SPATA33: variants seen among roughly 807,000 people sequenced by gnomAD.
SPATA33 encodes the protein spermatogenesis-associated protein 33.
In SPATA33, 10 loss-of-function variants were observed where a neutral mutation model predicts 8.9. The ratio of observed to expected loss-of-function variants is 1.12; its 90% CI spans 0.69 to 1.90. The LOEUF is 1.90. SPATA33 is among the 40% of genes most tolerant of loss of function. SPATA33 has a pLI of 0.00. For synonymous variants in SPATA33, 96 were observed against 72.8 expected (o/e 1.32, Z -1.63); for missense variants, 241 against 178.3 (o/e 1.35, Z -2.00).
chr16:89,661,120 C>T (rs1205668327), intron 2 of SPATA33: 3 of 985,374 alleles, frequency 3.0e-6, no homozygotes, highest in Non-Finnish European at 3.6e-6. Flanking sequence ...GGGTAAGTTA[C>T]TATGAAGCAG....
chr16:89,664,956 T>C (rs2060006396), intron 2 of SPATA33, among the ~76,000 whole-genome samples: 1 of 152,222 alleles, frequency 6.6e-6, no homozygotes. Context: ...TGTGCAGCAA[T>C]AGAAGTACAC....
At chr16:89,660,491 A>G (rs966056055) in intron 2 of SPATA33, 57 of 1,231,818 alleles carry the variant, frequency 4.6e-5, no homozygotes, top group Non-Finnish European at 5.8e-5. Flanking sequence ...AGCAAGAGTG[A>G]GAACAGAGTT....
intron 2 of SPATA33, chr16:89,659,061 G>C (rs1037591043): frequency 6.6e-6 from 1 of 152,070 alleles, no homozygotes; most frequent in Admixed American, 6.6e-5. Context: ...CCAGTTATTT[G>C]GCCGAGGCAG....
At chr16:89,668,397 A>G (rs558047932) in intron 2 of SPATA33, among the ~76,000 whole-genome samples, 2 of 152,372 alleles carry the variant, frequency 1.3e-5, no homozygotes, top group South Asian at 2.1e-4. Flanking sequence ...GTGAGCTACC[A>G]AGTGTCCCCA....
intron 1 of SPATA33, 147 bp downstream of exon 1, chr16:89,658,095 G>T: frequency 6.7e-7 from 1 of 1,486,798 alleles, no homozygotes; most frequent in Non-Finnish European, 8.9e-7. Flanking sequence ...CGCCACGGAC[G>T]GCGCGTTTCC....
intron 2 of SPATA33, among the ~76,000 whole-genome samples, chr16:89,662,598 T>G (rs2059978282): frequency 6.6e-6 from 1 of 151,622 alleles, no homozygotes; most frequent in Non-Finnish European, 1.5e-5. Flanking sequence ...TAATTTTTTT[T>G]GTATTTTTAG....
At chr16:89,664,999 C>T (rs1363473644) in intron 2 of SPATA33, among the ~76,000 whole-genome samples, 1 of 152,182 alleles carries the variant, frequency 6.6e-6, no homozygotes, top group Non-Finnish European at 1.5e-5. Context: ...AGAAGAGTCA[C>T]ATTTATTCTT....
chr16:89,663,454 C>A (rs2059988509), intron 2 of SPATA33, among the ~76,000 whole-genome samples: 1 of 152,018 alleles, frequency 6.6e-6, no homozygotes, highest in Admixed American at 6.6e-5. Context: ...CTCAGGTGAT[C>A]CGCTTGCCTC....
At position 89,664,902 on chromosome 16, in the gene SPATA33, A is replaced by T. The variant is rs189656930; in HGVS notation, c.212-4384A>T. Among the ~76,000 whole-genome samples the T allele has an allele frequency of 2.3e-4, 35 of 152,334 alleles. 1 individual carries two copies. In the East Asian group the frequency reaches 6.0e-3, roughly 26 times the overall value. Reference sequence around the variant, plus strand: ...CTGACGACGAATGCAGTAAGATGATAAGTGGATGTGCTGGTTTCAGCCCTG... The same window carrying T: ...CTGACGACGAATGCAGTAAGATGATTAGTGGATGTGCTGGTTTCAGCCCTG... On this transcript the variant is annotated intron_variant, in intron 2 of 2. Coordinates refer to ENST00000579310, the MANE Select transcript of SPATA33 (RefSeq NM_001271907.2).
chr16:89,662,684 C>T (rs2059979158), intron 2 of SPATA33, among the ~76,000 whole-genome samples: 1 of 152,216 alleles, frequency 6.6e-6, no homozygotes, highest in Admixed American at 6.5e-5. Context: ...GCCTCGGCCT[C>T]CCAAAGTGCT....
At chr16:89,664,095 G>A (rs979888942) in intron 2 of SPATA33, among the ~76,000 whole-genome samples, 3 of 152,076 alleles carry the variant, frequency 2.0e-5, no homozygotes, top group Non-Finnish European at 4.4e-5. Flanking sequence ...CTCCAGCCCC[G>A]GCGACAGAGT....
At chr16:89,664,940 A>G (rs1369347791) in intron 2 of SPATA33, among the ~76,000 whole-genome samples, 1 of 152,208 alleles carries the variant, frequency 6.6e-6, no homozygotes, top group Non-Finnish European at 1.5e-5. Context: ...GTTGGTGGTG[A>G]TTTGTTGTGC....
chr16:89,664,899 G>A (rs563796687), intron 2 of SPATA33, among the ~76,000 whole-genome samples: 7 of 152,340 alleles, frequency 4.6e-5, no homozygotes, highest in South Asian at 2.1e-4. Context: ...GCAGTAAGAT[G>A]ATAAGTGGAT....
chr16:89,669,167 C>T (rs2060064697), intron 2 of SPATA33, 119 bp from the exon 3 acceptor site: 2 of 900,104 alleles, frequency 2.2e-6, no homozygotes, highest in African/African-American at 3.3e-5. Flanking sequence ...TGGACTCACC[C>T]ATTTTTTCTG....
intron 2 of SPATA33, among the ~76,000 whole-genome samples, chr16:89,662,889 G>A (rs2059981758): frequency 6.6e-6 from 1 of 152,178 alleles, no homozygotes; most frequent in Non-Finnish European, 1.5e-5. Flanking sequence ...CGCCTCCCGG[G>A]TTCAAGCAAT....
At chr16:89,660,404 C>G in intron 2 of SPATA33, 1 of 1,166,710 alleles carries the variant, frequency 8.6e-7, no homozygotes, top group South Asian at 4.4e-5. Flanking sequence ...AGGAGGACCG[C>G]CTGTTGGAAG....
intron 2 of SPATA33, among the ~76,000 whole-genome samples, chr16:89,664,166 C>T (rs746908966): frequency 1.3e-5 from 2 of 152,138 alleles, no homozygotes; most frequent in Non-Finnish European, 2.9e-5. Context: ...AATTTGACTG[C>T]GTTAAAATGT....
intron 2 of SPATA33, 53 bp from the exon 3 acceptor site, chr16:89,669,233 G>T: frequency 2.6e-6 from 4 of 1,549,236 alleles, no homozygotes; most frequent in Non-Finnish European, 3.6e-6. Context: ...TGTGTGCATC[G>T]TGGAAGGAGC....
At chr16:89,660,269 C>T (rs1230630719) in intron 2 of SPATA33, 1 of 375,742 alleles carries the variant, frequency 2.7e-6, no homozygotes, top group Admixed American at 4.6e-5. Flanking sequence ...GGAAACCTTT[C>T]CCAGGAAGGC....
Sources: allele counts gnomAD v4.1 joint callset (sites outside exome capture counted in the v4.1 genomes callset), GRCh38; gene constraint gnomAD v4.1.1; transcripts MANE v1.5; gene names NCBI Gene and HGNC (gene_info 2026-07-23, HGNC 2026-07-21).